The following SMOC2 variants were observed in gnomAD, a reference collection of about 807,000 sequenced individuals.
SMOC2 encodes the protein SPARC-related modular calcium-binding protein 2.
Under a neutral mutation model 61.4 loss-of-function variants are expected in SMOC2, and 39 were observed. That is an observed-to-expected ratio of 0.64 (90% confidence interval 0.49 to 0.83). The LOEUF is 0.83. SMOC2 is among the 40% of genes least tolerant of loss of function. The pLI is 0.00. For synonymous variants in SMOC2, 247 were observed against 239.9 expected (o/e 1.03, Z -0.27); for missense variants, 556 against 592.9 (o/e 0.94, Z 0.65).
intron 7 of SMOC2, among the ~76,000 whole-genome samples, chr6:168,584,855 TG>T (rs1173836822): frequency 6.6e-6 from 1 of 152,190 alleles, no homozygotes; most frequent in Non-Finnish European, 1.5e-5. Context: ...CAAGCACCTG[TG>T]GAAGTAGACA....
At chr6:168,536,533 G>A (rs928086897) in intron 4 of SMOC2, among the ~76,000 whole-genome samples, 14 of 152,122 alleles carry the variant, frequency 9.2e-5, no homozygotes, top group Non-Finnish European at 1.6e-4. Flanking sequence ...GATGAGGCAG[G>A]AAGGAGGTCC....
chr6:168,573,539 T>C (rs1784722744), intron 7 of SMOC2, among the ~76,000 whole-genome samples: 1 of 152,136 alleles, frequency 6.6e-6, no homozygotes, highest in South Asian at 2.1e-4. Flanking sequence ...TGTGTCTGTG[T>C]GTCCAGCCTG....
At chr6:168,514,870 G>T (rs1461377629) in intron 2 of SMOC2, among the ~76,000 whole-genome samples, 1 of 152,174 alleles carries the variant, frequency 6.6e-6, no homozygotes, top group East Asian at 1.9e-4. Flanking sequence ...CTTAGACAAA[G>T]GAGGGAGGAT....
intron 4 of SMOC2, among the ~76,000 whole-genome samples, chr6:168,536,752 G>A (rs1035034059): frequency 3.3e-5 from 5 of 152,134 alleles, no homozygotes; most frequent in African/African-American, 4.8e-5. Flanking sequence ...GACCTGGGCC[G>A]TGCCGTCCCT....
chr6:168,543,009 G>C (rs952182161), intron 4 of SMOC2, among the ~76,000 whole-genome samples: 1 of 152,132 alleles, frequency 6.6e-6, no homozygotes, highest in Admixed American at 6.6e-5. Context: ...TTTATTTCTC[G>C]AGTTGGTATT....
chr6:168,615,200 A>G (rs1386343625), intron 9 of SMOC2, among the ~76,000 whole-genome samples: 10 of 72,884 alleles, frequency 1.4e-4, no homozygotes, highest in East Asian at 5.3e-4. Flanking sequence ...CAGCCAGCAC[A>G]GGGCCTCTTT....
intron 1 of SMOC2, among the ~76,000 whole-genome samples, chr6:168,462,452 C>T (rs997797005): frequency 6.6e-6 from 1 of 152,032 alleles, no homozygotes; most frequent in African/African-American, 2.4e-5. Flanking sequence ...CCAGCTCAGC[C>T]CCCTCTTTAA....
chr6:168,651,340 C>G (rs939612976), intron 10 of SMOC2, among the ~76,000 whole-genome samples: 5 of 152,126 alleles, frequency 3.3e-5, no homozygotes, highest in African/African-American at 1.2e-4. Flanking sequence ...CATTCCCGCA[C>G]TCCTGGACCT....
intron 2 of SMOC2, among the ~76,000 whole-genome samples, chr6:168,515,601 T>TCACCC (rs539175802): frequency 6.6e-6 from 1 of 152,294 alleles, no homozygotes; most frequent in Non-Finnish European, 1.5e-5. Context: ...AAGACGGGCC[T>TCACCC]TGCCCTGAGC....
intron 7 of SMOC2, among the ~76,000 whole-genome samples, chr6:168,583,732 C>A (rs1351880136): frequency 2.0e-5 from 3 of 152,200 alleles, no homozygotes. Flanking sequence ...GCCCAAAGTC[C>A]CAGGTAGGGA....
intron 11 of SMOC2, among the ~76,000 whole-genome samples, chr6:168,659,036 ATG>A (rs563012564): frequency 0.01 from 1,361 of 131,908 alleles, 30 homozygotes; most frequent in African/African-American, 0.036. Context: ...TGTGGTGTGT[ATG>A]TGTGTGTGTG....
At chr6:168,611,823 C>T (rs1287168059) in intron 9 of SMOC2, among the ~76,000 whole-genome samples, 1 of 152,150 alleles carries the variant, frequency 6.6e-6, no homozygotes, top group Non-Finnish European at 1.5e-5. Flanking sequence ...TCTCTTAGCT[C>T]CTGTGCCTCC....
At chr6:168,514,909 C>T (rs1163537739) in intron 2 of SMOC2, among the ~76,000 whole-genome samples, 1 of 152,128 alleles carries the variant, frequency 6.6e-6, no homozygotes, top group African/African-American at 2.4e-5. Context: ...GGTGGAAGCT[C>T]GACACCTGTG....
chr6:168,666,269 G>C, intron 12 of SMOC2, 152 bp from the exon 13 acceptor site: 1 of 686,332 alleles, frequency 1.5e-6, no homozygotes, highest in Non-Finnish European at 2.4e-6. Flanking sequence ...TGTCCAAAAT[G>C]TCTTCATTGT....
intron 7 of SMOC2, among the ~76,000 whole-genome samples, chr6:168,578,657 C>T (rs900452969): frequency 1.3e-5 from 2 of 152,184 alleles, no homozygotes; most frequent in African/African-American, 2.4e-5. Context: ...AAGAATTCTA[C>T]ACACGGGTTG....
intron 12 of SMOC2, among the ~76,000 whole-genome samples, 169 bp from the exon 13 acceptor site, chr6:168,666,251 GT>G (rs1787658930): frequency 2.6e-5 from 4 of 152,068 alleles, no homozygotes; most frequent in African/African-American, 9.7e-5. Context: ...CTGTTAAGAA[GT>G]TACCAGTGTC....
chr6:168,456,243 G>C (rs1781583388), intron 1 of SMOC2, among the ~76,000 whole-genome samples: 1 of 152,248 alleles, frequency 6.6e-6, no homozygotes, highest in Non-Finnish European at 1.5e-5. Context: ...ACACAGCCTG[G>C]CTGTCGCCGT....
intron 11 of SMOC2, among the ~76,000 whole-genome samples, chr6:168,653,459 T>G (rs185192968): frequency 1.3e-5 from 2 of 152,392 alleles, no homozygotes; most frequent in East Asian, 3.9e-4. Flanking sequence ...AACTGCGTGT[T>G]GGTTTGCAAT....
intron 1 of SMOC2, among the ~76,000 whole-genome samples, chr6:168,507,570 C>T (rs773498590): frequency 3.9e-5 from 6 of 152,236 alleles, no homozygotes; most frequent in East Asian, 1.9e-4. Flanking sequence ...AAGGTCATGT[C>T]TCCCAGGAGC....
Sources: gnomAD v4.1 joint callset for allele counts (sites outside exome capture counted in the v4.1 genomes callset) on GRCh38, gnomAD v4.1.1 for gene constraint, MANE v1.5 for transcripts, NCBI Gene and HGNC (gene_info 2026-07-23, HGNC 2026-07-21) for gene names.